Variants in GLIPR1L2 observed in about 807,000 individuals in gnomAD.
The protein encoded by GLIPR1L2 is GLIPR1-like protein 2.
GLIPR1L2 carries 21 observed loss-of-function variants against 28.4 expected under a neutral mutation model. The ratio of observed to expected loss-of-function variants is 0.74; its 90% CI spans 0.52 to 1.06. The LOEUF is 1.06. Ranked by LOEUF, GLIPR1L2 falls within the 50% of genes least tolerant of loss-of-function variation. The pLI is 0.00. For synonymous variants in GLIPR1L2, 145 were observed against 139.3 expected, an observed-to-expected ratio of 1.04 and a Z score of -0.29; for missense variants, 476 against 416.9, an observed-to-expected ratio of 1.14 and a Z score of -1.23.
At chr12:75,403,794 T>A (rs1197679532) in intron 1 of GLIPR1L2, among the ~76,000 whole-genome samples, 1 of 151,994 alleles carries the variant, frequency 6.6e-6, no homozygotes, top group Non-Finnish European at 1.5e-5. Flanking sequence ...GAACTTTAGA[T>A]CCCCTGCCCC....
At chr12:75,400,214 G>T (rs917636856) in intron 1 of GLIPR1L2, among the ~76,000 whole-genome samples, 1 of 152,146 alleles carries the variant, frequency 6.6e-6, no homozygotes, top group African/African-American at 2.4e-5. Flanking sequence ...TGCCTCCTGG[G>T]TTCATGCCAT....
chr12:75,409,810 G>GAT (rs1344012845), intron 1 of GLIPR1L2, among the ~76,000 whole-genome samples: 11 of 139,992 alleles, frequency 7.9e-5, no homozygotes, highest in Admixed American at 2.2e-4. Flanking sequence ...TATCTAATCT[G>GAT]ATATATATAA....
intron 1 of GLIPR1L2, among the ~76,000 whole-genome samples, chr12:75,405,663 GCAA>G (rs2045790495): frequency 1.3e-5 from 2 of 149,682 alleles, no homozygotes; most frequent in Non-Finnish European, 3.0e-5. Context: ...CAGTTTGCCA[GCAA>G]CCCACTTTCA....
At chr12:75,410,822 G>A (rs1270894976) in intron 2 of GLIPR1L2, 143 bp downstream of exon 2, 5 of 631,266 alleles carry the variant, frequency 7.9e-6, no homozygotes, top group Non-Finnish European at 1.3e-5. Flanking sequence ...AATCTTCCTA[G>A]TCTTCAAAAT....
chr12:75,428,764 A>G (rs745314488), intron 4 of GLIPR1L2, among the ~76,000 whole-genome samples: 1 of 151,960 alleles, frequency 6.6e-6, no homozygotes, highest in Non-Finnish European at 1.5e-5. Context: ...CCTCCCAGCC[A>G]TTCCAGCTTA....
Position 75,431,328 on chromosome 12 carries a change from T to A in GLIPR1L2, c.*167T>A. On this transcript the variant is annotated 3_prime_UTR_variant, in exon 6 of 6. Transcript: ENST00000550916. ...TCCCTTCTCTCCTATACTTATTCAATCAATTTAAATTTGTAAAACAAAGAA... is the reference window on the plus strand; with the variant it reads ...TCCCTTCTCTCCTATACTTATTCAAACAATTTAAATTTGTAAAACAAAGAA... 1 of 491,298 alleles carries A rather than the reference T, an allele frequency of 2.0e-6. No homozygotes were observed. The highest frequency in any genetic ancestry group is 3.1e-5 in the East Asian group (1 of 32,592). The allele number at this position is 491,298 out of a possible 1,614,324, so 30.4% of individuals were successfully genotyped here.
rs73365977 is a variant in GLIPR1L2, at chr12:75,392,777, T to C, written c.234+1427T>C. Among the ~76,000 whole-genome samples, 732 of 152,190 alleles carry C rather than the reference T, an allele frequency of 4.8e-3. 12 individuals carry two copies. Among genetic ancestry groups the C allele is most frequent in the African/African-American group, 0.017 (702 of 41,562 alleles). On this transcript the variant is annotated intron_variant, in intron 1 of 5. Transcript: ENST00000550916. ...CAAACATAAGGTATATAAAATAATA[T>C]ACCTGTATACCCACAATCGATATTT...
intron 1 of GLIPR1L2, among the ~76,000 whole-genome samples, chr12:75,396,719 C>A (rs1347313449): frequency 6.6e-6 from 1 of 152,154 alleles, no homozygotes; most frequent in Non-Finnish European, 1.5e-5. Flanking sequence ...CAGGACCTAT[C>A]CCAGACTTAC....
At chr12:75,406,899 G>A (rs138638108) in intron 1 of GLIPR1L2, among the ~76,000 whole-genome samples, 15 of 152,116 alleles carry the variant, frequency 9.9e-5, no homozygotes, top group African/African-American at 2.9e-4. Flanking sequence ...CTGGGATTTA[G>A]GCCCTGTCCT....
At position 75,432,371 on chromosome 12, in the gene GLIPR1L2, A is replaced by T. The variant is rs548213263; in HGVS notation, c.*1210A>T. ...GGAACTTATTCTAATTGAGAATCAGAGGCTTAATAAACCTGAAGGTTTAAG... is the reference window on the plus strand; with the variant it reads ...GGAACTTATTCTAATTGAGAATCAGTGGCTTAATAAACCTGAAGGTTTAAG... On this transcript the variant is annotated 3_prime_UTR_variant, in exon 6 of 6. Coordinates refer to ENST00000550916, the MANE Select transcript of GLIPR1L2 (RefSeq NM_001270396.2). The T allele has an allele frequency of 2.0e-5, 3 of 152,140 alleles. No homozygotes were observed. The highest frequency in any genetic ancestry group is 4.4e-5 in the Non-Finnish European group (3 of 67,990). The allele number at this position is 152,140 out of a possible 1,614,324, so 9.4% of individuals were successfully genotyped here.
At chr12:75,410,293 C>T in intron 1 of GLIPR1L2, 141 bp from the exon 2 acceptor site, 1 of 714,172 alleles carries the variant, frequency 1.4e-6, no homozygotes, top group African/African-American at 1.8e-5. Context: ...GAAGTTTTTC[C>T]CAGCAGAAAT....
chr12:75,397,879 C>A (rs1198474512), intron 1 of GLIPR1L2, among the ~76,000 whole-genome samples: 1 of 152,160 alleles, frequency 6.6e-6, no homozygotes, highest in African/African-American at 2.4e-5. Flanking sequence ...ATGGCTACAT[C>A]TTCTTCCTAT....
chr12:75,392,339 T>C (rs1389939885), intron 1 of GLIPR1L2, among the ~76,000 whole-genome samples: 1 of 152,240 alleles, frequency 6.6e-6, no homozygotes, highest in East Asian at 1.9e-4. Flanking sequence ...GATTTGGACA[T>C]GTTCAATTAC....
chr12:75,403,997 T>G (rs12822654), intron 1 of GLIPR1L2, among the ~76,000 whole-genome samples: 25,822 of 152,178 alleles, frequency 0.17, 2,391 homozygotes, highest in Admixed American at 0.24. Flanking sequence ...AGATTACATA[T>G]CAAGACAAAG....
chr12:75,415,177 A>G (rs10879912), intron 3 of GLIPR1L2, among the ~76,000 whole-genome samples: 76,030 of 151,798 alleles, frequency 0.5, 19,409 homozygotes, highest in East Asian at 0.58. Flanking sequence ...AGAGTTAGAT[A>G]ACAGCTAGAC....
chr12:75,424,201 C>T (rs1450783740), intron 4 of GLIPR1L2, among the ~76,000 whole-genome samples: 1 of 152,170 alleles, frequency 6.6e-6, no homozygotes, highest in African/African-American at 2.4e-5. Flanking sequence ...AAAAGTGTTC[C>T]TATTTCTCCA....
rs560531176 is a variant in GLIPR1L2 at position 75,431,973 on chromosome 12, A to G, written c.*812A>G. 9.9e-5 allele frequency: 15 copies of G among 152,232 alleles called. No individual in the cohort carries two copies. Among genetic ancestry groups the G allele is most frequent in the Admixed American group, 9.2e-4 (14 of 15,300 alleles). The allele number at this position is 152,232 out of a possible 1,614,324, so 9.4% of individuals were successfully genotyped here. ...GTAATACTAATAAATGAACTAAATA[A>G]AAATACCTAGCATAGGAGATTTCTT... On this transcript the variant is annotated 3_prime_UTR_variant, in exon 6 of 6. Transcript: ENST00000550916.
chr12:75,398,664 T>C (rs2045708220), intron 1 of GLIPR1L2, among the ~76,000 whole-genome samples: 2 of 152,190 alleles, frequency 1.3e-5, no homozygotes, highest in South Asian at 4.1e-4. Flanking sequence ...TACCAGATAA[T>C]GGGCTGTAGT....
At chr12:75,418,450 A>G (rs552384406) in intron 3 of GLIPR1L2, among the ~76,000 whole-genome samples, 21 of 152,310 alleles carry the variant, frequency 1.4e-4, no homozygotes, top group South Asian at 8.3e-4. Flanking sequence ...GAACACATGT[A>G]TGAATCTGAG....
Sources: allele counts gnomAD v4.1 joint callset (sites outside exome capture counted in the v4.1 genomes callset), GRCh38; gene constraint gnomAD v4.1.1; transcripts MANE v1.5; gene names NCBI Gene and HGNC (gene_info 2026-07-23, HGNC 2026-07-21).